Variants in STPG1 observed in about 807,000 individuals in gnomAD.
The protein encoded by STPG1 is sperm tail PG-rich repeat containing 1, also known as O(6)-methylguanine-induced apoptosis 2.
A neutral mutation model predicts 40.1 loss-of-function variants in STPG1; 33 were observed. The ratio of observed to expected loss-of-function variants is 0.82; its 90% CI spans 0.62 to 1.10. STPG1 has a LOEUF of 1.10. STPG1 is among the 50% of genes least tolerant of loss of function. The pLI is 0.00. For missense variants in STPG1, 396 were observed against 415.1 expected (o/e 0.95, Z 0.40); for synonymous variants, 150 against 155.0 (o/e 0.97, Z 0.24).
At chr1:24,370,946 T>C (rs1428182245) in intron 6 of STPG1, among the ~76,000 whole-genome samples, 1 of 152,156 alleles carries the variant, frequency 6.6e-6, no homozygotes, top group Non-Finnish European at 1.5e-5. Context: ...AGCACCACTA[T>C]GTAGAGACTG....
intron 7 of STPG1, chr1:24,364,069 C>A: frequency 1.5e-6 from 2 of 1,370,206 alleles, no homozygotes; most frequent in Non-Finnish European, 9.5e-7. Flanking sequence ...CCAGAAACAC[C>A]CAACACAACA....
At chr1:24,401,576 C>G (rs1643229895) in intron 1 of STPG1, 120 bp from the exon 2 acceptor site, 7 of 606,206 alleles carry the variant, frequency 1.2e-5, no homozygotes, top group Non-Finnish European at 2.1e-5. Context: ...CTGAGATCTA[C>G]CAAGTGCAGT....
intron 2 of STPG1, among the ~76,000 whole-genome samples, chr1:24,392,534 C>T (rs1020306570): frequency 5.3e-5 from 8 of 152,210 alleles, no homozygotes; most frequent in East Asian, 1.9e-4. Context: ...GTTCAAACCA[C>T]GCAGACCCCT....
At chr1:24,384,305 C>G (rs766543357) in intron 3 of STPG1, among the ~76,000 whole-genome samples, 15 of 152,182 alleles carry the variant, frequency 9.9e-5, no homozygotes, top group Non-Finnish European at 1.8e-4. Context: ...AGAAATGGGC[C>G]TAAAGTGGGA....
chr1:24,406,500 C>A (rs1006526075), intron 1 of STPG1, among the ~76,000 whole-genome samples: 7 of 152,058 alleles, frequency 4.6e-5, no homozygotes, highest in Admixed American at 3.9e-4. Flanking sequence ...TTTCTAGTGT[C>A]ATAGTCCTTC....
chr1:24,367,988 C>A (rs1641554934), intron 7 of STPG1, among the ~76,000 whole-genome samples: 1 of 152,162 alleles, frequency 6.6e-6, no homozygotes. Flanking sequence ...GTCCTCTTGA[C>A]CACTCTTTCT....
intron 3 of STPG1, among the ~76,000 whole-genome samples, chr1:24,386,379 T>A (rs1017433464): frequency 6.6e-6 from 1 of 152,236 alleles, no homozygotes; most frequent in African/African-American, 2.4e-5. Flanking sequence ...CTGTTTGTTC[T>A]TAGTGAGCAA....
upstream of STPG1, chr1:24,415,032 T>C (rs899275451): frequency 1.3e-5 from 2 of 152,186 alleles, no homozygotes; most frequent in African/African-American, 4.8e-5. Context: ...ATTGTTGATG[T>C]CTAGGCCCAA....
rs1312604545 is a variant in STPG1 at position 24,393,067 on chromosome 1, G to A, written c.71-1388C>T. On this transcript the variant is annotated intron_variant, in intron 2 of 8. Transcript: ENST00000337248. ...CAGCTTCACAGTTGAGGAAACTGAG[G>A]CTTAGAGGGATTAAGTTACTCATCC... Among the ~76,000 whole-genome samples the A allele has an allele frequency of 3.9e-5, 6 of 152,290 alleles. No homozygotes were observed. The South Asian group carries it at 6.2e-4, about 16-fold the overall frequency.
At chr1:24,414,866 C>G (rs990307285), upstream of STPG1, 2 of 152,168 alleles carry the variant, frequency 1.3e-5, no homozygotes, top group Non-Finnish European at 2.9e-5. Context: ...CCTGGCCCGT[C>G]CCTCAGATCG....
intron 3 of STPG1, among the ~76,000 whole-genome samples, chr1:24,389,544 A>T (rs1288129655): frequency 6.6e-6 from 1 of 152,192 alleles, no homozygotes; most frequent in Non-Finnish European, 1.5e-5. Flanking sequence ...TGGGTGGGTC[A>T]TTGAACTTCC....
rs549642982 is a variant in STPG1, at chr1:24,397,542, G to A, written c.70+3777C>T. On this transcript the variant is annotated intron_variant, in intron 2 of 8. Transcript: ENST00000337248. ...CATAAATCCTTAGAAAAATTTTAGCGAATCAAACCAGACAATATATAAAAA... is the reference window on the plus strand; with the variant it reads ...CATAAATCCTTAGAAAAATTTTAGCAAATCAAACCAGACAATATATAAAAA... Among the ~76,000 whole-genome samples, 35 of 152,050 alleles carry A rather than the reference G, an allele frequency of 2.3e-4. 1 individual carries two copies. The East Asian group carries it at 6.2e-3, about 27-fold the overall frequency.
intron 2 of STPG1, among the ~76,000 whole-genome samples, chr1:24,392,521 G>T (rs1247402425): frequency 2.0e-5 from 3 of 152,258 alleles, no homozygotes; most frequent in African/African-American, 7.2e-5. Flanking sequence ...GCACCAGCTG[G>T]AAGTTCAAAC....
intron 2 of STPG1, among the ~76,000 whole-genome samples, chr1:24,394,545 G>A (rs2148707506): frequency 6.6e-6 from 1 of 152,282 alleles, no homozygotes; most frequent in African/African-American, 2.4e-5. Context: ...AATTAGTGGA[G>A]AAGAACATTA....
intron 7 of STPG1, chr1:24,364,557 C>A (rs1641331362): frequency 9.8e-7 from 1 of 1,020,556 alleles, no homozygotes; most frequent in Non-Finnish European, 1.3e-6. Flanking sequence ...CTTTGAGGCC[C>A]CTAGCCCTAT....
intron 7 of STPG1, chr1:24,369,170 A>G (rs1024972976): frequency 2.8e-6 from 1 of 362,902 alleles, no homozygotes; most frequent in African/African-American, 2.1e-5. Flanking sequence ...ACCAACTCGA[A>G]AGTCAGGGCT....
chr1:24,373,415 G>A (rs376437170), intron 6 of STPG1, among the ~76,000 whole-genome samples: 3 of 152,310 alleles, frequency 2.0e-5, no homozygotes, highest in East Asian at 1.9e-4. Flanking sequence ...TTTCTGAGGT[G>A]AGAAGCCACT....
rs1450223153 is a variant in STPG1 at position 24,359,644 on chromosome 1, A to T, written c.929-1025T>A. ...TGGGGGCAAACCTGGGGCCCAGGTC[A>T]TCTTGGCTCCCTCGCACGGGAGCAT... On this transcript the variant is annotated intron_variant, in intron 8 of 8. Transcript: ENST00000337248. The surrounding 1 kb of genome is among the most constrained non-coding windows in gnomAD (Gnocchi z 5.3). Among the ~76,000 whole-genome samples the T allele has an allele frequency of 1.4e-4, 21 of 152,280 alleles. No homozygotes were observed. The East Asian group carries it at 3.5e-3, about 25-fold the overall frequency.
At chr1:24,385,293 T>C (rs1169787561) in intron 3 of STPG1, among the ~76,000 whole-genome samples, 3 of 152,180 alleles carry the variant, frequency 2.0e-5, no homozygotes, top group Non-Finnish European at 4.4e-5. Flanking sequence ...CCTTGCCCCA[T>C]GGGAGGTGAC....
Sources: allele counts gnomAD v4.1 joint callset (sites outside exome capture counted in the v4.1 genomes callset), GRCh38; gene constraint gnomAD v4.1.1; non-coding constraint Gnocchi (gnomAD v3.1); transcripts MANE v1.5; gene names NCBI Gene and HGNC (gene_info 2026-07-23, HGNC 2026-07-21).